Variants in ANK2 observed in about 807,000 individuals in gnomAD.
ANK2 encodes the protein ankyrin-2.
A neutral mutation model predicts 360.5 loss-of-function variants in ANK2; 83 were observed. That is an observed-to-expected ratio of 0.23 (90% confidence interval 0.19 to 0.28). The LOEUF (loss-of-function observed/expected upper bound fraction) is 0.28, where lower values mean the gene tolerates loss of function less well. Among genes scored for constraint, ANK2 ranks in the 10% least tolerant of loss-of-function variants. The pLI is 1.00. For missense variants in ANK2, 4,201 were observed against 4,795.7 expected (o/e 0.88, Z 3.66); for synonymous variants, 1,740 against 1,759.5 (o/e 0.99, Z 0.28).
rs569651055 is a variant in ANK2 at position 112,973,870 on chromosome 4, C to T, written c.21+69356C>T. Among the ~76,000 whole-genome samples, 7 of 152,198 alleles carry T rather than the reference C, an allele frequency of 4.6e-5. No homozygotes were observed. In the East Asian group the frequency reaches 5.8e-4, roughly 13 times the overall value. ...ACAGTCCATCTGACTGGATAGATGGCGGAAAGTAAGGAATGTTTTATTACA... is the reference window on the plus strand; with the variant it reads ...ACAGTCCATCTGACTGGATAGATGGTGGAAAGTAAGGAATGTTTTATTACA... On this transcript the variant is annotated intron_variant, in intron 2 of 30. Transcript: ENST00000503271.
chr4:113,274,987 C>G (rs780154280), intron 15 of ANK2, among the ~76,000 whole-genome samples: 8 of 152,076 alleles, frequency 5.3e-5, no homozygotes, highest in Non-Finnish European at 8.8e-5. Flanking sequence ...ATATATTGAA[C>G]TGGTAATACT....
intron 1 of ANK2, among the ~76,000 whole-genome samples, chr4:113,155,113 G>A (rs34699139): frequency 0.18 from 27,959 of 152,094 alleles, 3,079 homozygotes; most frequent in Middle Eastern, 0.27. Flanking sequence ...ATCATTTATT[G>A]AGCCCCTATT....
chr4:113,216,407 C>T (rs2099086142), intron 4 of ANK2, among the ~76,000 whole-genome samples: 1 of 152,188 alleles, frequency 6.6e-6, no homozygotes, highest in Non-Finnish European at 1.5e-5. Flanking sequence ...AAGGTGCTTA[C>T]ATCTAAACAC....
intron 2 of ANK2, among the ~76,000 whole-genome samples, chr4:112,925,094 T>C (rs1329125951): frequency 6.6e-6 from 1 of 152,168 alleles, no homozygotes; most frequent in Admixed American, 6.5e-5. Context: ...CGCCTCGGCC[T>C]TCCAAAGTGC....
chr4:112,999,911 A>G (rs2050007645), intron 2 of ANK2, among the ~76,000 whole-genome samples: 1 of 152,164 alleles, frequency 6.6e-6, no homozygotes, highest in African/African-American at 2.4e-5. Context: ...GTGGCAATTA[A>G]GAGTGACAGA....
At chr4:112,975,678 CCTT>C (rs1483609125) in intron 2 of ANK2, among the ~76,000 whole-genome samples, 4 of 152,182 alleles carry the variant, frequency 2.6e-5, no homozygotes, top group African/African-American at 9.6e-5. Context: ...CAAGTAATCT[CCTT>C]CTTGCAGTCC....
chr4:112,856,392 A>G (rs1482811514), intron 1 of ANK2, among the ~76,000 whole-genome samples: 1 of 152,158 alleles, frequency 6.6e-6, no homozygotes, highest in Non-Finnish European at 1.5e-5. Flanking sequence ...CTTCTTCCTA[A>G]TTTATCTGTG....
chr4:113,236,865 G>A (rs1488448328), intron 5 of ANK2, 122 bp from the exon 6 acceptor site: 3 of 1,006,920 alleles, frequency 3.0e-6, no homozygotes, highest in Non-Finnish European at 4.6e-6. Flanking sequence ...AATCTTCCCA[G>A]TAATATTTTA....
chr4:112,717,521 G>A, the ANK2 span, among the ~76,000 whole-genome samples: 1 of 152,104 alleles, frequency 6.6e-6, no homozygotes, highest in Non-Finnish European at 1.5e-5. Context: ...ATCGTACTGT[G>A]ATATTCCTTA....
At chr4:113,156,389 A>ATTTTTTTTTTTTTTTTC (rs1562481290) in intron 1 of ANK2, among the ~76,000 whole-genome samples, 178 of 137,920 alleles carry the variant, frequency 1.3e-3, no homozygotes, top group Non-Finnish European at 1.9e-3. Flanking sequence ...TTTGTTTTTG[A>ATTTTTTTTTTTTTTTTC]GACAGAGTTT....
upstream of ANK2, among the ~76,000 whole-genome samples, chr4:113,047,143 C>G (rs370569941): frequency 6.6e-6 from 1 of 152,168 alleles, no homozygotes; most frequent in Non-Finnish European, 1.5e-5. Context: ...GTTCCCATCT[C>G]GGGACCTTTG....
At chr4:112,897,373 A>G (rs17045128) in intron 1 of ANK2, among the ~76,000 whole-genome samples, 6,926 of 152,126 alleles carry the variant, frequency 0.046, 517 homozygotes, top group East Asian at 0.31. Context: ...CCACAATAGG[A>G]GTTCAAATGG....
rs1190555350 is a variant in ANK2 at position 113,355,279 on chromosome 4, G to T, written c.6661G>T (p.Gly2221Trp). 6.2e-7 allele frequency: 1 copy of T among 1,614,032 alleles called. No homozygotes were observed. Among genetic ancestry groups the T allele is most frequent in the Admixed American group, 1.7e-5 (1 of 60,010 alleles). Residue 2221 changes from glycine (G) to tryptophan (W), a missense_variant, in exon 38 of 46, where the codon GGG becomes TGG. By Grantham distance (184) the Gly-to-Trp change is radical. Transcript: ENST00000357077. ...AGSPCGSLME[G>W]TPQISSEESY... Reference sequence around the variant, plus strand: ...CTCTCCGTGTGGCAGCCTGATGGAGGGGACCCCTCAGATTAGTTCAGAAGA... The same window carrying T: ...CTCTCCGTGTGGCAGCCTGATGGAGTGGACCCCTCAGATTAGTTCAGAAGA...
At chr4:112,977,925 G>A (rs1266794595) in intron 2 of ANK2, among the ~76,000 whole-genome samples, 1 of 152,076 alleles carries the variant, frequency 6.6e-6, no homozygotes, top group East Asian at 1.9e-4. Flanking sequence ...ATAAGATTCA[G>A]GCAAAAAATA....
At chr4:112,757,564 T>C in the ANK2 span, among the ~76,000 whole-genome samples, 1 of 152,232 alleles carries the variant, frequency 6.6e-6, no homozygotes, top group Non-Finnish European at 1.5e-5. Context: ...AGAGCTAATA[T>C]AATCTCCTGT....
At chr4:113,280,979 C>T (rs1356890388) in intron 17 of ANK2, among the ~76,000 whole-genome samples, 1 of 152,110 alleles carries the variant, frequency 6.6e-6, no homozygotes, top group Non-Finnish European at 1.5e-5. Flanking sequence ...GACACAAATA[C>T]AGTATTTTGA....
the ANK2 span, among the ~76,000 whole-genome samples, chr4:112,719,747 G>A: frequency 6.6e-6 from 1 of 150,602 alleles, no homozygotes; most frequent in African/African-American, 2.5e-5. Context: ...AAAAAAGAAG[G>A]TATAATTCAA....
chr4:113,364,611 A>T (rs893541267), intron 40 of ANK2, among the ~76,000 whole-genome samples: 26 of 152,318 alleles, frequency 1.7e-4, no homozygotes, highest in African/African-American at 6.3e-4. Flanking sequence ...TCCAGTCTAC[A>T]TTTATCATTC....
At chr4:113,144,160 A>T (rs895551955) in intron 1 of ANK2, among the ~76,000 whole-genome samples, 10 of 152,174 alleles carry the variant, frequency 6.6e-5, no homozygotes, top group Non-Finnish European at 2.9e-5. Flanking sequence ...TATAGCTGGG[A>T]AGTTAAAGTA....
Sources: gnomAD v4.1 joint callset for allele counts (sites outside exome capture counted in the v4.1 genomes callset) on GRCh38, gnomAD v4.1.1 for gene constraint, MANE v1.5 for transcripts, NCBI Gene and HGNC (gene_info 2026-07-23, HGNC 2026-07-21) for gene names.